Variants in UNC13B observed in about 807,000 individuals in gnomAD.
The protein encoded by UNC13B is unc-13 homolog B, also known as protein unc-13 homolog B.
In UNC13B, 144 loss-of-function variants were observed where a neutral mutation model predicts 211.0. The observed-to-expected ratio is 0.68, with a 90% confidence interval of 0.60 to 0.78. The LOEUF is 0.78. Ranked by LOEUF, UNC13B falls within the 30% of genes least tolerant of loss-of-function variation. The probability of loss-of-function intolerance (pLI) is 0.00; values close to 1 mark genes in which losing one functional copy is unlikely to be tolerated. For missense variants in UNC13B, 1,777 were observed against 2,002.0 expected, an observed-to-expected ratio of 0.89 and a Z score of 2.14; for synonymous variants, 709 against 725.8, an observed-to-expected ratio of 0.98 and a Z score of 0.37.
chr9:35,381,054 T>C, intron 18 of UNC13B, 46 bp from the exon 19 acceptor site: 1 of 1,569,928 alleles, frequency 6.4e-7, no homozygotes, highest in Non-Finnish European at 8.7e-7. Flanking sequence ...CTATCTATGC[T>C]GTCTAGTTGC....
chr9:35,200,650 G>T (rs1210032408), intron 1 of UNC13B, among the ~76,000 whole-genome samples: 1 of 152,178 alleles, frequency 6.6e-6, no homozygotes, highest in Admixed American at 6.5e-5. Context: ...TGTTATTGGT[G>T]TATAGGAATG....
chr9:35,285,416 G>A lies in UNC13B; in HGVS notation c.527-10280G>A, dbSNP rs747455895. Among the ~76,000 whole-genome samples the A allele has an allele frequency of 5.3e-5, 8 of 152,278 alleles. 1 individual carries two copies. Among genetic ancestry groups the A allele is most frequent in the African/African-American group, 1.9e-4 (8 of 41,552 alleles). ...TTTACATTCTAAACAAGAGCCTCAA[G>A]TAATTATTAAAATTAAAAGATGGCC... is the stretch of plus-strand genomic sequence containing the variant. On this transcript the variant is annotated intron_variant, in intron 7 of 39. Transcript: ENST00000635942.
intron 6 of UNC13B, among the ~76,000 whole-genome samples, chr9:35,247,424 C>G (rs1826171707): frequency 6.6e-6 from 1 of 152,150 alleles, no homozygotes; most frequent in South Asian, 2.1e-4. Context: ...GCATCCCTGT[C>G]TTGTGCCAGT....
At position 35,377,558 on chromosome 9, in the gene UNC13B, G is replaced by A. The variant is rs747904316; in HGVS notation, c.9926G>A (p.Arg3309Gln). The A allele has an allele frequency of 1.4e-5, 23 of 1,614,246 alleles. No homozygotes were observed. The highest frequency in any genetic ancestry group is 2.2e-5 in the South Asian group (2 of 91,092). The stretch of plus-strand genomic sequence containing the variant: ...AAGGACCGCATGAAGATCCGAGAGC[G>A]AAATAAGCCAGAGATCTTTGAAGTT... The part of the protein sequence containing the change: ...AMKDRMKIRE[R>Q]NKPEIFEVIR... The change falls in exon 16 of 40, where the codon CGA (arginine) becomes CAA (glutamine). Residue 3309 changes from arginine (R) to glutamine (Q), a missense_variant. Coordinates refer to ENST00000635942, the MANE Select transcript of UNC13B (RefSeq NM_001371189.2).
intron 6 of UNC13B, among the ~76,000 whole-genome samples, chr9:35,254,832 T>G (rs1248912209): frequency 6.9e-6 from 1 of 143,888 alleles, no homozygotes; most frequent in Non-Finnish European, 1.5e-5. Flanking sequence ...TTTATTCTCC[T>G]AGTCCTTACG....
chr9:35,272,523 G>T (rs942072743), intron 7 of UNC13B, among the ~76,000 whole-genome samples: 2 of 152,020 alleles, frequency 1.3e-5, no homozygotes, highest in African/African-American at 4.8e-5. Context: ...CTCCCAAAGT[G>T]TTGGGATTAC....
rs563428820 is a variant in UNC13B, at chr9:35,389,575, A to T, written c.11095-271A>T. ...TCTGCCCATAGCAACTGAGAGAAGG[A>T]AGGAGGATGGGCATCCTTATGTCTC... On this transcript the variant is annotated intron_variant, in intron 24 of 39. Transcript: ENST00000635942. Among the ~76,000 whole-genome samples, 6 of 152,264 alleles carry T rather than the reference A, an allele frequency of 3.9e-5. No homozygotes were observed. In the South Asian group the frequency reaches 1.2e-3, roughly 32 times the overall value.
At chr9:35,337,347 G>C (rs1831722400) in intron 11 of UNC13B, among the ~76,000 whole-genome samples, 1 of 152,140 alleles carries the variant, frequency 6.6e-6, no homozygotes, top group South Asian at 2.1e-4. Flanking sequence ...TTATGGCAGA[G>C]GCACAAAGGG....
intron 13 of UNC13B, among the ~76,000 whole-genome samples, chr9:35,370,732 C>T (rs1470590998): frequency 6.6e-6 from 1 of 152,218 alleles, no homozygotes; most frequent in Non-Finnish European, 1.5e-5. Context: ...AAATTGCCTC[C>T]AGCCCTTGAC....
chr9:35,166,833 T>C (rs1261389081), intron 1 of UNC13B, among the ~76,000 whole-genome samples: 1 of 152,222 alleles, frequency 6.6e-6, no homozygotes, highest in Non-Finnish European at 1.5e-5. Flanking sequence ...AAATTTTCAT[T>C]GCAGATGAGT....
chr9:35,370,674 C>G (rs921234745), intron 13 of UNC13B, among the ~76,000 whole-genome samples: 7 of 152,198 alleles, frequency 4.6e-5, no homozygotes, highest in Non-Finnish European at 8.8e-5. Flanking sequence ...CTATAGGCAT[C>G]TAGCTCTTAT....
rs1324760483 is a variant in UNC13B, at chr9:35,405,026, T to C, written c.*993T>C. The C allele has an allele frequency of 6.6e-6, 1 of 152,598 alleles. No individual in the cohort carries two copies. The highest frequency in any genetic ancestry group is 2.4e-5 in the African/African-American group (1 of 41,438). The allele number at this position is 152,598 out of a possible 1,614,324, so 9.5% of individuals were successfully genotyped here. On this transcript the variant is annotated 3_prime_UTR_variant, in exon 40 of 40. Transcript: ENST00000635942. ...TATTCCCCTCTGATATTCAACCCTA[T>C]AGAAGGAGCCTGGACTCTGATCCCT... is the stretch of plus-strand genomic sequence containing the variant.
chr9:35,177,268 G>A (rs1821689662), intron 1 of UNC13B, among the ~76,000 whole-genome samples: 1 of 152,176 alleles, frequency 6.6e-6, no homozygotes. Flanking sequence ...CAGCCTGGGT[G>A]AAAGAGCGAA....
At chr9:35,272,831 T>G (rs1486972061) in intron 7 of UNC13B, among the ~76,000 whole-genome samples, 2 of 152,242 alleles carry the variant, frequency 1.3e-5, no homozygotes, top group African/African-American at 4.8e-5. Flanking sequence ...AGTGTACCTT[T>G]TATTAATGAT....
intron 24 of UNC13B, among the ~76,000 whole-genome samples, chr9:35,387,856 G>C (rs373083482): frequency 1.3e-5 from 2 of 151,984 alleles, no homozygotes; most frequent in African/African-American, 4.8e-5. Context: ...TTGTTTTTTT[G>C]TTGTTGTTAT....
At position 35,258,992 on chromosome 9, in the gene UNC13B, G is replaced by C; in HGVS notation, c.469-1G>C. 6.2e-7 allele frequency: 1 copy of C among 1,612,844 alleles called. No individual in the cohort carries two copies. The highest frequency in any genetic ancestry group is 8.5e-7 in the Non-Finnish European group (1 of 1,179,530). On this transcript the variant is annotated splice_acceptor_variant, in intron 6 of 39. Coordinates refer to ENST00000635942, the MANE Select transcript of UNC13B (RefSeq NM_001371189.2). LOFTEE classifies it high-confidence loss of function. The stretch of plus-strand genomic sequence containing the variant: ...ATTTATTTTCTCCTTTCTGCTTCTA[G>C]TATTCTAGTCAAGAAGAAAGCCAGA...
intron 1 of UNC13B, among the ~76,000 whole-genome samples, chr9:35,172,174 C>G (rs751010449): frequency 1.5e-4 from 22 of 151,570 alleles, no homozygotes; most frequent in South Asian, 2.1e-4. Flanking sequence ...CATGCCTGGC[C>G]CCTTTGTTTT....
At chr9:35,341,512 G>A (rs1047769706) in intron 11 of UNC13B, among the ~76,000 whole-genome samples, 28 of 152,134 alleles carry the variant, frequency 1.8e-4, no homozygotes, top group African/African-American at 6.5e-4. Flanking sequence ...GCAGTTCCAC[G>A]GCTGGCATGC....
At chr9:35,333,767 A>G (rs771203676) in intron 11 of UNC13B, among the ~76,000 whole-genome samples, 29 of 152,094 alleles carry the variant, frequency 1.9e-4, no homozygotes, top group Non-Finnish European at 3.7e-4. Context: ...TGTGTCCCTT[A>G]TGATACATAT....
Sources: allele counts gnomAD v4.1 joint callset (sites outside exome capture counted in the v4.1 genomes callset), GRCh38; gene constraint gnomAD v4.1.1; transcripts MANE v1.5; gene names NCBI Gene and HGNC (gene_info 2026-07-23, HGNC 2026-07-21).